The following CCDC91 variants were observed in gnomAD, a reference collection of about 807,000 sequenced individuals.
CCDC91 encodes coiled-coil domain containing 91.
Under a neutral mutation model 63.2 loss-of-function variants are expected in CCDC91, and 48 were observed. The ratio of observed to expected loss-of-function variants is 0.76; its 90% CI spans 0.60 to 0.97. The LOEUF (loss-of-function observed/expected upper bound fraction) is 0.97, where lower values mean the gene tolerates loss of function less well. Among genes scored for constraint, CCDC91 ranks in the 50% least tolerant of loss-of-function variants. The pLI is 0.00. For missense variants in CCDC91, 500 were observed against 494.6 expected, an observed-to-expected ratio of 1.01 and a Z score of -0.10; for synonymous variants, 167 against 165.8, an observed-to-expected ratio of 1.01 and a Z score of -0.06.
chr12:28,222,459 A>G (rs1944011126), intron 1 of CCDC91, among the ~76,000 whole-genome samples: 1 of 152,226 alleles, frequency 6.6e-6, no homozygotes, highest in African/African-American at 2.4e-5. Context: ...TAAAATGTAT[A>G]CACTAGGGAT....
intron 12 of CCDC91, among the ~76,000 whole-genome samples, chr12:28,544,594 A>G (rs1236113993): frequency 1.3e-5 from 2 of 152,030 alleles, no homozygotes; most frequent in Non-Finnish European, 2.9e-5. Context: ...TGCAATTAGT[A>G]CTATGTGTAT....
chr12:28,480,448 A>T (rs897651716), intron 11 of CCDC91, among the ~76,000 whole-genome samples: 2 of 152,046 alleles, frequency 1.3e-5, no homozygotes, highest in South Asian at 4.1e-4. Context: ...TTAGAAACTC[A>T]TCAAGAGATA....
intron 6 of CCDC91, among the ~76,000 whole-genome samples, chr12:28,357,201 G>T (rs1488123318): frequency 2.6e-5 from 4 of 152,060 alleles, no homozygotes; most frequent in Non-Finnish European, 5.9e-5. Flanking sequence ...TTTGTTGATT[G>T]TATGGTTCCT....
Position 28,518,455 on chromosome 12 carries a change from T to TTTAATAATTGTGTA in CCDC91, c.1216-30606_1216-30605insAATAATTGTGTATT, listed in dbSNP as rs1555119975. 1.2e-3 allele frequency among the ~76,000 whole-genome samples: 189 copies of TTTAATAATTGTGTA among 151,902 alleles called. 1 individual carries two copies. The highest frequency in any genetic ancestry group is 4.5e-3 in the African/African-American group (186 of 41,378). ...CTTTTGATAATTGTGTATTCATTCT[T>TTTAATAATTGTGTA]TTGATAATTGTGTAAAGTCCTTAGC... On this transcript the variant is annotated intron_variant, in intron 12 of 12. Transcript: ENST00000536442.
intron 8 of CCDC91, among the ~76,000 whole-genome samples, chr12:28,408,750 C>G (rs1039488651): frequency 6.6e-6 from 1 of 152,084 alleles, no homozygotes; most frequent in Non-Finnish European, 1.5e-5. Flanking sequence ...TCATGCAATT[C>G]TCTTGCCTCA....
chr12:28,332,919 ATGCT>A, intron 6 of CCDC91, among the ~76,000 whole-genome samples: 1 of 152,114 alleles, frequency 6.6e-6, no homozygotes, highest in South Asian at 2.1e-4. Context: ...CCTTACTACT[ATGCT>A]TGGGGACCAT....
intron 11 of CCDC91, among the ~76,000 whole-genome samples, chr12:28,458,915 C>T (rs1024980953): frequency 6.6e-6 from 1 of 152,098 alleles, no homozygotes; most frequent in African/African-American, 2.4e-5. Flanking sequence ...ATCATTCTCC[C>T]ACTTTAAATT....
Position 28,362,437 on chromosome 12 carries a change from G to T in CCDC91, c.577-1G>T. 6.4e-7 allele frequency: 1 copy of T among 1,566,688 alleles called. No homozygotes were observed. The highest frequency in any genetic ancestry group is 8.6e-7 in the Non-Finnish European group (1 of 1,156,230). ...TGGTTTTAGTTTCTTTTTTCTTTCA[G>T]GAAAAACATAAACAAGAATTGGAAG... On this transcript the variant is annotated splice_acceptor_variant, in intron 6 of 12. Coordinates refer to ENST00000536442, the MANE Select transcript of CCDC91 (RefSeq NM_018318.5). LOFTEE classifies it high-confidence loss of function.
intron 8 of CCDC91, among the ~76,000 whole-genome samples, chr12:28,407,036 A>G (rs7302101): frequency 0.052 from 7,903 of 152,142 alleles, 246 homozygotes; most frequent in South Asian, 0.13. Flanking sequence ...CCTTGGTTCT[A>G]TCCTCATGAC....
At chr12:28,397,010 A>G (rs763074325) in intron 8 of CCDC91, among the ~76,000 whole-genome samples, 17 of 152,162 alleles carry the variant, frequency 1.1e-4, no homozygotes, top group Non-Finnish European at 2.1e-4. Flanking sequence ...AAGTGTATCT[A>G]TGGATGAGAT....
chr12:28,215,683 C>T (rs1381357319), intron 1 of CCDC91, among the ~76,000 whole-genome samples: 1 of 151,962 alleles, frequency 6.6e-6, no homozygotes, highest in Non-Finnish European at 1.5e-5. Flanking sequence ...GCTTAAAATG[C>T]CTAGTACAAG....
chr12:28,468,362 G>A (rs901638565), intron 11 of CCDC91, among the ~76,000 whole-genome samples: 1 of 151,500 alleles, frequency 6.6e-6, no homozygotes, highest in African/African-American at 2.4e-5. Flanking sequence ...CAAATTTGTA[G>A]TTACATGCAA....
intron 11 of CCDC91, among the ~76,000 whole-genome samples, chr12:28,454,274 A>C (rs1335901935): frequency 6.6e-6 from 1 of 152,132 alleles, no homozygotes; most frequent in African/African-American, 2.4e-5. Flanking sequence ...TACCTCTCAC[A>C]GTCTTCACTG....
chr12:28,420,588 A>G (rs1947943001), intron 8 of CCDC91, among the ~76,000 whole-genome samples: 1 of 152,132 alleles, frequency 6.6e-6, no homozygotes, highest in Admixed American at 6.6e-5. Flanking sequence ...TGACCCATGG[A>G]AAATGAAAGG....
At chr12:28,314,751 T>C (rs11049526) in intron 6 of CCDC91, among the ~76,000 whole-genome samples, 30,472 of 151,916 alleles carry the variant, frequency 0.2, 4,005 homozygotes, top group Non-Finnish European at 0.3. Context: ...GATTTTATAT[T>C]TTAGTTGGTC....
chr12:28,415,062 T>C (rs748211269), intron 8 of CCDC91, among the ~76,000 whole-genome samples: 12 of 152,192 alleles, frequency 7.9e-5, no homozygotes, highest in Non-Finnish European at 1.2e-4. Flanking sequence ...TAAATATAAT[T>C]AGCTAACATT....
chr12:28,296,352 A>T (rs1354617997), intron 3 of CCDC91, among the ~76,000 whole-genome samples: 1 of 151,890 alleles, frequency 6.6e-6, no homozygotes, highest in Non-Finnish European at 1.5e-5. Context: ...GGGTTACCCA[A>T]ACAGCCCTCT....
chr12:28,405,265 A>G (rs78980758), intron 8 of CCDC91, among the ~76,000 whole-genome samples: 1,981 of 152,186 alleles, frequency 0.013, 50 homozygotes, highest in African/African-American at 0.045. Flanking sequence ...ATGTTATGCC[A>G]TTTCACAGGT....
chr12:28,448,126 C>G (rs1035632783), intron 8 of CCDC91, among the ~76,000 whole-genome samples: 12 of 151,954 alleles, frequency 7.9e-5, no homozygotes, highest in Admixed American at 7.2e-4. Flanking sequence ...ATTACTACTA[C>G]CGATAATGAT....
Sources: gnomAD v4.1 joint callset for allele counts (sites outside exome capture counted in the v4.1 genomes callset) on GRCh38, gnomAD v4.1.1 for gene constraint, MANE v1.5 for transcripts, NCBI Gene and HGNC (gene_info 2026-07-23, HGNC 2026-07-21) for gene names.